The following SLC25A26 variants were observed in gnomAD, a reference collection of about 807,000 sequenced individuals.
SLC25A26 encodes the protein solute carrier family 25 member 26, also known as mitochondrial S-adenosylmethionine carrier protein.
SLC25A26 carries 36 observed loss-of-function variants against 37.8 expected under a neutral mutation model. The observed-to-expected ratio is 0.95, with a 90% CI of 0.73 to 1.26. The LOEUF is 1.26. Among genes scored for constraint, SLC25A26 ranks in the 50% most tolerant of loss-of-function variants. The pLI is 0.00. For missense variants in SLC25A26, 390 were observed against 331.1 expected, an observed-to-expected ratio of 1.18 and a Z score of -1.38; for synonymous variants, 129 against 122.5, an observed-to-expected ratio of 1.05 and a Z score of -0.35.
At chr3:66,235,600 G>A (rs1210481551) in intron 1 of SLC25A26, among the ~76,000 whole-genome samples, 1 of 152,168 alleles carries the variant, frequency 6.6e-6, no homozygotes, top group African/African-American at 2.4e-5. Flanking sequence ...ATTATAAGCT[G>A]TTTCAAAATT....
At chr3:66,159,233 C>G (rs1031439412) in intron 1 of SLC25A26, among the ~76,000 whole-genome samples, 8 of 152,156 alleles carry the variant, frequency 5.3e-5, no homozygotes, top group Non-Finnish European at 1.2e-4. Flanking sequence ...CTTGAAGGCC[C>G]TGTGCAAACC....
At chr3:66,375,838 G>C (rs1254209076) in intron 9 of SLC25A26, among the ~76,000 whole-genome samples, 1 of 151,736 alleles carries the variant, frequency 6.6e-6, no homozygotes, top group African/African-American at 2.4e-5. Flanking sequence ...TAACTTTCAG[G>C]TTTTATTAAA....
intron 9 of SLC25A26, chr3:66,371,216 G>T: frequency 6.6e-7 from 1 of 1,521,444 alleles, no homozygotes. Context: ...CATATACCAG[G>T]GATTTTCTTG....
chr3:66,226,869 C>T (rs995526464), intron 1 of SLC25A26, among the ~76,000 whole-genome samples: 23 of 9,726 alleles, frequency 2.4e-3, no homozygotes, highest in East Asian at 5.9e-3. Flanking sequence ...ACATTAAAAA[C>T]GCTTTGGTTG....
Position 66,268,998 on chromosome 3 carries a change from G to A in SLC25A26, c.453+5619G>A, listed in dbSNP as rs1283367897. 2.6e-5 allele frequency among the ~76,000 whole-genome samples: 4 copies of A among 152,180 alleles called. 1 individual carries two copies. On this transcript the variant is annotated intron_variant, in intron 5 of 9. Transcript: ENST00000354883. ...TTTATAAATTACTCAGTCTCAGGTA[G>A]TATCTTTATAGCAGTGTGAGAATGG...
upstream of SLC25A26, among the ~76,000 whole-genome samples, chr3:66,217,415 GA>G (rs2071377598): frequency 6.6e-6 from 1 of 152,048 alleles, no homozygotes; most frequent in African/African-American, 2.4e-5. Context: ...ACTTAAATAG[GA>G]AAATACGGAA....
chr3:66,260,410 A>G (rs1289910009), intron 3 of SLC25A26, among the ~76,000 whole-genome samples: 2 of 152,238 alleles, frequency 1.3e-5, no homozygotes, highest in Non-Finnish European at 2.9e-5. Context: ...CATAAGAAGC[A>G]TTCAAATGTT....
intron 6 of SLC25A26, among the ~76,000 whole-genome samples, chr3:66,355,687 A>G (rs1311074652): frequency 1.3e-5 from 2 of 152,232 alleles, no homozygotes; most frequent in Non-Finnish European, 2.9e-5. Context: ...ATCTGATTGA[A>G]TGATAAAATT....
At chr3:66,375,227 G>A (rs1461369361) in intron 9 of SLC25A26, among the ~76,000 whole-genome samples, 1 of 152,188 alleles carries the variant, frequency 6.6e-6, no homozygotes, top group Non-Finnish European at 1.5e-5. Context: ...GTTAGGAGAG[G>A]TTGATTCATG....
rs111283925 is a variant in SLC25A26 at position 66,326,622 on chromosome 3, A to C, written c.454-19742A>C. 4.9e-3 allele frequency among the ~76,000 whole-genome samples: 744 copies of C among 152,328 alleles called. 11 individuals are homozygous for C. The highest frequency in any genetic ancestry group is 0.013 in the African/African-American group (546 of 41,566). On this transcript the variant is annotated intron_variant, in intron 5 of 9. Coordinates refer to ENST00000354883, the MANE Select transcript of SLC25A26 (RefSeq NM_001379210.1). ...GACACAGATGGTTGGGTTCACCTCC[A>C]GTTTCATGCTGGACAAGCCTGGGTT...
At chr3:66,133,856 C>T (rs1559545076) in exon 1 of SLC25A26, 1 of 152,182 alleles carries the variant, frequency 6.6e-6, no homozygotes, top group South Asian at 2.1e-4. Flanking sequence ...GCCATTAACA[C>T]GGGCTCATCA....
chr3:66,326,201 G>A (rs1049608480), intron 5 of SLC25A26, among the ~76,000 whole-genome samples: 3 of 152,146 alleles, frequency 2.0e-5, no homozygotes, highest in Non-Finnish European at 2.9e-5. Context: ...CTAGATTGCC[G>A]GACATACAGA....
intron 5 of SLC25A26, among the ~76,000 whole-genome samples, chr3:66,284,290 A>G (rs1391376779): frequency 2.6e-5 from 4 of 152,224 alleles, no homozygotes; most frequent in Non-Finnish European, 2.9e-5. Context: ...TGGAGGCTGC[A>G]ATGAGCTTAG....
intron 1 of SLC25A26, among the ~76,000 whole-genome samples, chr3:66,136,029 A>G (rs184518447): frequency 1.6e-4 from 25 of 152,342 alleles, no homozygotes; most frequent in Admixed American, 1.6e-3. Context: ...TTCTGTATTG[A>G]TCACAACAAT....
At chr3:66,277,039 A>G (rs1359239280) in intron 5 of SLC25A26, among the ~76,000 whole-genome samples, 3 of 151,946 alleles carry the variant, frequency 2.0e-5, no homozygotes, top group Admixed American at 6.6e-5. Flanking sequence ...TGAATGGATA[A>G]ATTTGTGTTA....
At chr3:66,369,637 A>G (rs1046130504) in intron 8 of SLC25A26, 95 bp downstream of exon 8, 3 of 1,068,610 alleles carry the variant, frequency 2.8e-6, no homozygotes, top group Non-Finnish European at 4.2e-6. Context: ...AATGGCTACC[A>G]TTTACCTGTA....
At chr3:66,254,730 C>G (rs1210474864) in intron 3 of SLC25A26, among the ~76,000 whole-genome samples, 1 of 152,232 alleles carries the variant, frequency 6.6e-6, no homozygotes, top group Non-Finnish European at 1.5e-5. Flanking sequence ...TCAGCAACTT[C>G]TATGATCTCA....
chr3:66,194,006 T>A (rs916487340), intron 1 of SLC25A26, among the ~76,000 whole-genome samples: 139 of 152,340 alleles, frequency 9.1e-4, no homozygotes, highest in African/African-American at 3.0e-3. Flanking sequence ...TTCTTCATGA[T>A]GTAACCATAA....
Position 66,246,986 on chromosome 3 carries a change from C to T in SLC25A26, c.300+3674C>T, listed in dbSNP as rs986104434. ...ACGCCATTCTCTTGCCTCAGCCTCC[C>T]GAGTCGCTGGGACTACAGGCACCCG... On this transcript the variant is annotated intron_variant, in intron 3 of 9. Coordinates refer to ENST00000354883, the MANE Select transcript of SLC25A26 (RefSeq NM_001379210.1). Among the ~76,000 whole-genome samples, 49 of 152,062 alleles carry T rather than the reference C, an allele frequency of 3.2e-4. 1 individual carries two copies. Among genetic ancestry groups the T allele is most frequent in the Admixed American group, 1.5e-3 (23 of 15,278 alleles).
Sources: allele counts gnomAD v4.1 joint callset (sites outside exome capture counted in the v4.1 genomes callset), GRCh38; gene constraint gnomAD v4.1.1; transcripts MANE v1.5; gene names NCBI Gene and HGNC (gene_info 2026-07-23, HGNC 2026-07-21).